DNM3: variants seen among roughly 807,000 people sequenced by gnomAD.
DNM3 encodes the protein dynamin-3.
DNM3 carries 47 observed loss-of-function variants against 101.6 expected under a neutral mutation model. The ratio of observed to expected loss-of-function variants is 0.46; its 90% confidence interval spans 0.37 to 0.59. DNM3 has a LOEUF of 0.59. DNM3 is among the 20% of genes least tolerant of loss of function. The pLI is 0.00. For synonymous variants in DNM3, 385 were observed against 387.9 expected (o/e 0.99, Z 0.09); for missense variants, 849 against 1,085.7 (o/e 0.78, Z 3.06).
intron 1 of DNM3, among the ~76,000 whole-genome samples, chr1:171,904,558 T>C (rs2038652182): frequency 6.6e-6 from 1 of 152,118 alleles, no homozygotes; most frequent in African/African-American, 2.4e-5. Context: ...CCTAATGCTG[T>C]TGAAAGATAT....
chr1:172,398,694 C>G (rs1208637041), intron 20 of DNM3, among the ~76,000 whole-genome samples: 1 of 152,148 alleles, frequency 6.6e-6, no homozygotes, highest in Non-Finnish European at 1.5e-5. Context: ...CAGTGTTTTC[C>G]TAAAAGCATA....
intron 17 of DNM3, among the ~76,000 whole-genome samples, chr1:172,323,871 G>A (rs1486632265): frequency 1.3e-5 from 2 of 152,126 alleles, no homozygotes; most frequent in African/African-American, 4.8e-5. Flanking sequence ...ATTTCACTTG[G>A]CTTCTGTGCC....
intron 1 of DNM3, among the ~76,000 whole-genome samples, chr1:171,891,994 A>G (rs560678136): frequency 2.6e-5 from 4 of 152,286 alleles, no homozygotes; most frequent in Admixed American, 6.5e-5. Flanking sequence ...AGTTTTGTCT[A>G]TTATTCTCCA....
intron 17 of DNM3, among the ~76,000 whole-genome samples, chr1:172,346,352 G>A (rs753054530): frequency 2.6e-5 from 4 of 152,176 alleles, no homozygotes; most frequent in Non-Finnish European, 4.4e-5. Context: ...GCATGTGAAG[G>A]TGTACAGTGA....
chr1:172,244,657 A>C lies in DNM3; in HGVS notation c.1660-8916A>C, dbSNP rs372764870. Among the ~76,000 whole-genome samples, 280 of 152,320 alleles carry C rather than the reference A, an allele frequency of 1.8e-3. 1 individual carries two copies. The highest frequency in any genetic ancestry group is 6.2e-3 in the African/African-American group (257 of 41,560). On this transcript the variant is annotated intron_variant, in intron 14 of 20. Coordinates refer to ENST00000627582, the MANE Select transcript of DNM3 (RefSeq NM_015569.5). ...ATGCAAATCAAAACCACAACGAGAT[A>C]CCATCTCACACCAGTTAGAATGGCA... is the stretch of plus-strand genomic sequence containing the variant.
intron 17 of DNM3, among the ~76,000 whole-genome samples, chr1:172,350,495 G>A (rs1028369974): frequency 7.9e-5 from 12 of 152,160 alleles, no homozygotes; most frequent in Non-Finnish European, 7.4e-5. Flanking sequence ...CTTAACTGTC[G>A]TGGTATCACT....
chr1:171,993,498 CTTT>C (rs145178902), intron 4 of DNM3, among the ~76,000 whole-genome samples: 2 of 128,686 alleles, frequency 1.6e-5, no homozygotes, highest in Non-Finnish European at 1.6e-5. Context: ...TTTCAAGATT[CTTT>C]TTTTTTTTTT....
intron 8 of DNM3, among the ~76,000 whole-genome samples, chr1:172,043,300 C>T (rs1312995410): frequency 6.6e-6 from 1 of 152,046 alleles, no homozygotes; most frequent in Non-Finnish European, 1.5e-5. Context: ...TGGAGGAAAA[C>T]CTCTGTTTGT....
intron 14 of DNM3, among the ~76,000 whole-genome samples, chr1:172,190,092 T>C (rs768124726): frequency 5.9e-5 from 9 of 151,684 alleles, no homozygotes; most frequent in Non-Finnish European, 1.0e-4. Flanking sequence ...ACATGTCCCA[T>C]GTTGGTGTGC....
intron 13 of DNM3, among the ~76,000 whole-genome samples, chr1:172,111,741 A>G (rs1422604225): frequency 1.3e-5 from 2 of 152,242 alleles, no homozygotes; most frequent in Non-Finnish European, 2.9e-5. Flanking sequence ...GAGTAGATAG[A>G]AGAAAGAGAG....
At chr1:172,021,350 G>A (rs2047840460) in intron 4 of DNM3, among the ~76,000 whole-genome samples, 1 of 151,644 alleles carries the variant, frequency 6.6e-6, no homozygotes, top group South Asian at 2.1e-4. Context: ...GTGCATGTTT[G>A]TACTCCCAGC....
At chr1:172,106,442 G>T (rs1322036837) in intron 13 of DNM3, among the ~76,000 whole-genome samples, 3 of 151,874 alleles carry the variant, frequency 2.0e-5, no homozygotes, top group Admixed American at 2.0e-4. Context: ...GAGAAAGAAA[G>T]AAAGAAATTT....
chr1:172,334,033 A>C (rs894461828), intron 17 of DNM3, among the ~76,000 whole-genome samples: 1 of 152,214 alleles, frequency 6.6e-6, no homozygotes, highest in African/African-American at 2.4e-5. Context: ...AATCTTAACT[A>C]AAGATCAAAG....
At chr1:172,196,577 T>G (rs1170939113) in intron 14 of DNM3, among the ~76,000 whole-genome samples, 1 of 152,218 alleles carries the variant, frequency 6.6e-6, no homozygotes, top group East Asian at 1.9e-4. Context: ...CTATTATTTT[T>G]GACTTTTTAA....
At position 171,941,731 on chromosome 1, in the gene DNM3, A is replaced by G. The variant is rs74409636; in HGVS notation, c.235+19910A>G. On this transcript the variant is annotated intron_variant, in intron 2 of 20. Transcript: ENST00000627582. The stretch of plus-strand genomic sequence containing the variant: ...TTTATGGGTTCATTGTTTTCCCCAC[A>G]TATTAATTAGGAAAGAAAGTGAATT... Among the ~76,000 whole-genome samples the G allele has an allele frequency of 2.4e-3, 365 of 152,288 alleles. 7 individuals carry two copies. Among genetic ancestry groups the G allele is most frequent in the African/African-American group, 7.8e-3 (326 of 41,564 alleles).
At chr1:172,004,511 CA>C (rs1437461127) in intron 4 of DNM3, among the ~76,000 whole-genome samples, 2 of 151,850 alleles carry the variant, frequency 1.3e-5, no homozygotes, top group South Asian at 2.1e-4. Context: ...CTAAAACCTT[CA>C]AAAAATGTGT....
At chr1:172,053,765 T>A (rs1222661615) in intron 10 of DNM3, among the ~76,000 whole-genome samples, 2 of 152,232 alleles carry the variant, frequency 1.3e-5, no homozygotes, top group African/African-American at 4.8e-5. Context: ...CTTTTCCTTA[T>A]GCTGCATTTT....
At chr1:172,286,068 T>TTATATATATATATATATATA (rs143628364) in intron 15 of DNM3, among the ~76,000 whole-genome samples, 5 of 147,454 alleles carry the variant, frequency 3.4e-5, no homozygotes, top group African/African-American at 5.0e-5. Flanking sequence ...AGTGAGTTAT[T>TTATATATATATATATATATA]TATATATATA....
chr1:172,042,088 G>A lies in DNM3; in HGVS notation c.1072G>A (p.Gly358Ser), dbSNP rs2049430909. 4 of 1,611,516 alleles carry A rather than the reference G, an allele frequency of 2.5e-6. No homozygotes were observed. Among genetic ancestry groups the A allele is most frequent in the Non-Finnish European group, 3.4e-6 (4 of 1,179,184 alleles). Residue 358 changes from glycine (G) to serine (S), a missense_variant, in exon 8 of 21, where the codon GGT (glycine) becomes AGT (serine). Coordinates refer to ENST00000627582, the MANE Select transcript of DNM3 (RefSeq NM_015569.5). ...GDQVDTLELSGGAKINRIFHE... is the reference protein window; with the variant it reads ...GDQVDTLELSSGAKINRIFHE... Reference sequence around the variant, plus strand: ...TCAAGTAGATACCCTGGAACTCTCAGGTGGTGCTAAAATCAATCGTATTTT... The same window carrying A: ...TCAAGTAGATACCCTGGAACTCTCAAGTGGTGCTAAAATCAATCGTATTTT...
Sources: allele counts gnomAD v4.1 joint callset (sites outside exome capture counted in the v4.1 genomes callset), GRCh38; gene constraint gnomAD v4.1.1; transcripts MANE v1.5; gene names NCBI Gene and HGNC (gene_info 2026-07-23, HGNC 2026-07-21).